COL6A6: variants seen among roughly 807,000 people sequenced by gnomAD.
COL6A6 encodes collagen type VI alpha 6 chain, also known as collagen alpha-6(VI) chain.
COL6A6 carries 183 observed loss-of-function variants against 208.6 expected under a neutral mutation model. The observed-to-expected ratio is 0.88, with a 90% CI of 0.78 to 0.99. The LOEUF is 0.99. Among genes scored for constraint, COL6A6 ranks in the 50% least tolerant of loss-of-function variants. The pLI is 0.00. For missense variants in COL6A6, 2,816 were observed against 2,815.2 expected (o/e 1.00, Z -0.01); for synonymous variants, 973 against 1,011.8 (o/e 0.96, Z 0.73).
intron 20 of COL6A6, among the ~76,000 whole-genome samples, chr3:130,604,387 C>T (rs530669997): frequency 6.6e-5 from 10 of 151,006 alleles, no homozygotes; most frequent in Admixed American, 2.6e-4. Context: ...CCCAGCTACT[C>T]GGGAGGCTGA....
At chr3:130,588,744 T>C (rs1053326649) in intron 11 of COL6A6, among the ~76,000 whole-genome samples, 2 of 152,022 alleles carry the variant, frequency 1.3e-5, no homozygotes, top group Non-Finnish European at 2.9e-5. Flanking sequence ...ATCGACAATA[T>C]CATAGTCAGT....
intron 8 of COL6A6, 110 bp from the exon 9 acceptor site, chr3:130,581,451 C>T: frequency 2.6e-6 from 2 of 763,312 alleles, no homozygotes; most frequent in Non-Finnish European, 4.2e-6. Context: ...CTTTGTGTTC[C>T]AACTTTATAA....
At position 130,563,329 on chromosome 3, in the gene COL6A6, A is replaced by G; in HGVS notation, c.326A>G (p.Lys109Arg). The G allele has an allele frequency of 7.4e-6, 12 of 1,613,996 alleles. No homozygotes were observed. Among genetic ancestry groups the G allele is most frequent in the Non-Finnish European group, 1.0e-5 (12 of 1,179,884 alleles). Residue 109 changes from lysine to arginine, a missense_variant, in exon 3 of 37, where the codon AAG becomes AGG. Physicochemically the swap from Lys to Arg is conservative, Grantham distance 26. Transcript: ENST00000358511. ...ATTGGCGGGTCCCTGCAGATAGGAA[A>G]GGCTCTTCAGGAGGCTCACAGGACT... ...GFIGGSLQIG[K>R]ALQEAHRTYF... is the part of the protein sequence containing the mutation.
intron 18 of COL6A6, among the ~76,000 whole-genome samples, chr3:130,595,104 A>G (rs1013772953): frequency 6.6e-6 from 1 of 152,172 alleles, no homozygotes; most frequent in Non-Finnish European, 1.5e-5. Context: ...GCCAAGTAGA[A>G]TTATATTAGG....
At chr3:130,616,156 C>T (rs1185126646) in intron 23 of COL6A6, among the ~76,000 whole-genome samples, 1 of 152,034 alleles carries the variant, frequency 6.6e-6, no homozygotes, top group Admixed American at 6.6e-5. Context: ...CAGAGATGAA[C>T]ACAATCAGAT....
intron 23 of COL6A6, 84 bp from the exon 24 acceptor site, chr3:130,621,737 T>C: frequency 8.5e-7 from 1 of 1,178,020 alleles, no homozygotes; most frequent in South Asian, 1.3e-5. Flanking sequence ...CGTCTGTGGT[T>C]CACTTTCCTC....
intron 23 of COL6A6, among the ~76,000 whole-genome samples, chr3:130,621,619 C>T (rs73198100): frequency 4.8e-4 from 73 of 152,330 alleles, no homozygotes; most frequent in Non-Finnish European, 9.4e-4. Context: ...CTTTAGACAA[C>T]ATCTGGCATG....
intron 23 of COL6A6, among the ~76,000 whole-genome samples, chr3:130,610,989 G>T (rs2064341381): frequency 6.6e-6 from 1 of 151,970 alleles, no homozygotes; most frequent in South Asian, 2.1e-4. Context: ...CAATTCTCTT[G>T]GGGTTTCCCA....
chr3:130,639,867 T>C (rs535542796), intron 28 of COL6A6, among the ~76,000 whole-genome samples: 2 of 152,308 alleles, frequency 1.3e-5, no homozygotes, highest in South Asian at 2.1e-4. Flanking sequence ...AAAAAACTTC[T>C]TACAGTTTCC....
chr3:130,571,587 A>T (rs945075719), intron 7 of COL6A6, among the ~76,000 whole-genome samples, 194 bp downstream of exon 7: 1 of 152,206 alleles, frequency 6.6e-6, no homozygotes, highest in East Asian at 1.9e-4. Flanking sequence ...CTTCTCCCCA[A>T]AGAGAGATAC....
chr3:130,592,550 G>A lies in COL6A6; in HGVS notation c.4282G>A (p.Gly1428Arg). Reference sequence around the variant, plus strand: ...ATGTGCCCTTTCTCAGGGAGAAAGAGGAGCCCCTGGACCAGTGGGAGAGCA... The same window carrying A: ...ATGTGCCCTTTCTCAGGGAGAAAGAAGAGCCCCTGGACCAGTGGGAGAGCA... ...LGEEGIAGER[G>R]APGPVGEQGT... Residue 1428 changes from glycine (G) to arginine (R), a missense_variant, in exon 14 of 37, where the codon GGA (glycine) becomes AGA (arginine). Transcript: ENST00000358511. 4 of 1,603,388 alleles carry A rather than the reference G, an allele frequency of 2.5e-6. No individual in the cohort carries two copies. The highest frequency in any genetic ancestry group is 1.7e-4 in the Middle Eastern group (1 of 6,050).
intron 1 of COL6A6, among the ~76,000 whole-genome samples, chr3:130,547,362 G>C (rs915519690): frequency 6.6e-6 from 1 of 152,376 alleles, no homozygotes; most frequent in African/African-American, 2.4e-5. Context: ...AAGTGCGGGG[G>C]CCCGCTGAGG....
intron 33 of COL6A6, among the ~76,000 whole-genome samples, chr3:130,658,281 A>G (rs1033526535): frequency 3.3e-5 from 5 of 152,186 alleles, no homozygotes; most frequent in African/African-American, 1.2e-4. Context: ...CAGTTTCCCC[A>G]TCTGTAAAAT....
At chr3:130,623,804 A>G (rs1039993883) in intron 24 of COL6A6, among the ~76,000 whole-genome samples, 2 of 152,210 alleles carry the variant, frequency 1.3e-5, no homozygotes, top group African/African-American at 4.8e-5. Flanking sequence ...ACTCTTGGTG[A>G]TGCCTCTTTG....
rs199641606 is a variant in COL6A6 at position 130,634,255 on chromosome 3, A to T, written c.4993-335A>T. 5.4e-4 allele frequency among the ~76,000 whole-genome samples: 79 copies of T among 146,722 alleles called. 3 individuals are homozygous for T. The East Asian group carries it at 0.012, about 23-fold the overall frequency. On this transcript the variant is annotated intron_variant, in intron 26 of 36. Coordinates refer to ENST00000358511, the MANE Select transcript of COL6A6 (RefSeq NM_001102608.3). ...TAAATAAATAAATAAAAAAAAAAAA[A>T]AAAAAAAAAAAGATCGTGTCAGAGA...
At chr3:130,583,712 T>C (rs775972520) in intron 10 of COL6A6, among the ~76,000 whole-genome samples, 6 of 152,248 alleles carry the variant, frequency 3.9e-5, no homozygotes, top group Non-Finnish European at 8.8e-5. Flanking sequence ...TACCAGTTTC[T>C]TCACCTGTCA....
chr3:130,664,493 G>A (rs901705750), intron 35 of COL6A6, among the ~76,000 whole-genome samples: 1 of 152,002 alleles, frequency 6.6e-6, no homozygotes, highest in African/African-American at 2.4e-5. Flanking sequence ...TCTTTACATG[G>A]TATAAAAAGA....
At chr3:130,674,530 T>C (rs1447260012) in intron 36 of COL6A6, among the ~76,000 whole-genome samples, 4 of 152,176 alleles carry the variant, frequency 2.6e-5, no homozygotes, top group African/African-American at 9.7e-5. Context: ...ATGTCCCCCA[T>C]TGTACCTAAC....
In COL6A6 at chr3:130,676,610, A is replaced by G. The variant is rs1463238865; in HGVS notation, c.*1213A>G. The G allele has an allele frequency of 2.0e-5, 3 of 152,350 alleles. No homozygotes were observed. The East Asian group carries it at 5.8e-4, about 29-fold the overall frequency. The allele number at this position is 152,350 out of a possible 1,614,324, so 9.4% of individuals were successfully genotyped here. ...GCCTGGATGCATGGAGCAGATGGAT[A>G]CTGACACCAAGGACATTCAGATTTT... On this transcript the variant is annotated 3_prime_UTR_variant, in exon 37 of 37. Transcript: ENST00000358511.
Sources: gnomAD v4.1 joint callset for allele counts (sites outside exome capture counted in the v4.1 genomes callset) on GRCh38, gnomAD v4.1.1 for gene constraint, MANE v1.5 for transcripts, NCBI Gene and HGNC (gene_info 2026-07-23, HGNC 2026-07-21) for gene names.